The following SMAGP variants were observed in gnomAD, a reference collection of about 807,000 sequenced individuals.
SMAGP encodes small cell transmembrane and glycosylated protein.
In SMAGP, 7 loss-of-function variants were observed where a neutral mutation model predicts 10.1. That is an observed-to-expected ratio of 0.70 (90% CI 0.40 to 1.31). The LOEUF (loss-of-function observed/expected upper bound fraction) is 1.31. SMAGP is among the 50% of genes most tolerant of loss of function. The pLI is 0.01. For synonymous variants in SMAGP, 49 were observed against 47.2 expected, an observed-to-expected ratio of 1.04 and a Z score of -0.16; for missense variants, 113 against 116.5, an observed-to-expected ratio of 0.97 and a Z score of 0.14.
At chr12:51,265,705 G>C (rs1235419649) in intron 2 of SMAGP, among the ~76,000 whole-genome samples, 1 of 152,120 alleles carries the variant, frequency 6.6e-6, no homozygotes, top group African/African-American at 2.4e-5. Context: ...CAGGGAAATG[G>C]GGAATCAGTG....
At chr12:51,264,950 A>G (rs866257033) in intron 2 of SMAGP, among the ~76,000 whole-genome samples, 2,183 of 150,506 alleles carry the variant, frequency 0.015, 66 homozygotes, top group African/African-American at 0.05. Context: ...AAAAAAAAAA[A>G]AGAGAAAGAG....
chr12:51,264,670 G>T (rs1338298725), intron 2 of SMAGP, among the ~76,000 whole-genome samples: 3 of 148,584 alleles, frequency 2.0e-5, no homozygotes, highest in Non-Finnish European at 4.4e-5. Context: ...AGTGGCTCAT[G>T]CCTGTAATCC....
chr12:51,249,157 G>A (rs1944812745), intron 2 of SMAGP, among the ~76,000 whole-genome samples: 1 of 152,164 alleles, frequency 6.6e-6, no homozygotes, highest in African/African-American at 2.4e-5. Flanking sequence ...GCACCAGGGA[G>A]GGCGTGGAAG....
chr12:51,265,234 T>C (rs1023208143), intron 2 of SMAGP, among the ~76,000 whole-genome samples: 5 of 152,302 alleles, frequency 3.3e-5, no homozygotes, highest in African/African-American at 7.2e-5. Flanking sequence ...GGCAAGGTTG[T>C]AGAGAAACTG....
At chr12:51,247,433 G>C (rs1216928165) in intron 2 of SMAGP, among the ~76,000 whole-genome samples, 1 of 152,002 alleles carries the variant, frequency 6.6e-6, no homozygotes. Context: ...AATTTGAAAG[G>C]TTCTGAAACA....
chr12:51,258,606 A>G (rs4761938), intron 2 of SMAGP, among the ~76,000 whole-genome samples: 103,395 of 150,946 alleles, frequency 0.68, 38,889 homozygotes, highest in Non-Finnish European at 0.86. Context: ...AAAAAAAAAG[A>G]AAGAAAAGAA....
chr12:51,245,889 T>A lies in SMAGP; in HGVS notation c.*52A>T. ...GAGAAAACTTTCCCATAATAAGCAG[T>A]CAACGTGTTAGCGATGGAGCCAGGA... On this transcript the variant is annotated 3_prime_UTR_variant, in exon 4 of 4. Transcript: ENST00000603798. 1 of 1,570,416 alleles carries A rather than the reference T, an allele frequency of 6.4e-7. No individual in the cohort carries two copies. Among genetic ancestry groups the A allele is most frequent in the Admixed American group, 1.8e-5 (1 of 55,926 alleles).
intron 2 of SMAGP, among the ~76,000 whole-genome samples, chr12:51,248,426 ACACACACACT>A (rs1374604743): frequency 7.0e-4 from 79 of 112,306 alleles, no homozygotes; most frequent in African/African-American, 2.9e-3. Context: ...ACACACACAC[ACACACACACT>A]CTCTCTCTCT....
In SMAGP at chr12:51,250,138, G is replaced by A; in HGVS notation, c.35-3307C>T. On this transcript the variant is annotated intron_variant, in intron 2 of 3. Transcript: ENST00000603798. The stretch of plus-strand genomic sequence containing the variant: ...TAATCCCAGCACTTTGGGAGACCAA[G>A]GTGGGAAGATCGCTTGAGGCCAGGA... Among the ~76,000 whole-genome samples the A allele has an allele frequency of 1.3e-5, 2 of 149,870 alleles. 1 individual carries two copies. The highest frequency in any genetic ancestry group is 3.0e-5 in the Non-Finnish European group (2 of 67,718).
At chr12:51,256,589 G>A (rs1944886372) in intron 2 of SMAGP, among the ~76,000 whole-genome samples, 2 of 151,850 alleles carry the variant, frequency 1.3e-5, no homozygotes, top group South Asian at 2.1e-4. Context: ...GGGTGGTGGC[G>A]CATGCCTGTA....
chr12:51,253,783 G>A (rs1944862111), intron 2 of SMAGP, among the ~76,000 whole-genome samples: 1 of 152,190 alleles, frequency 6.6e-6, no homozygotes, highest in Admixed American at 6.5e-5. Flanking sequence ...GCAGGTGCCT[G>A]TAATCCCAGC....
chr12:51,246,643 A>G (rs1944776310), intron 3 of SMAGP, 108 bp downstream of exon 3: 1 of 483,490 alleles, frequency 2.1e-6, no homozygotes, highest in East Asian at 4.7e-5. Context: ...TGTGTGTAAT[A>G]TAACTTACAA....
intron 2 of SMAGP, among the ~76,000 whole-genome samples, chr12:51,251,973 G>A (rs1944843209): frequency 6.6e-6 from 1 of 152,206 alleles, no homozygotes; most frequent in Non-Finnish European, 1.5e-5. Flanking sequence ...CTGCGATGCA[G>A]CTATTGGTCA....
intron 2 of SMAGP, among the ~76,000 whole-genome samples, chr12:51,260,367 T>G (rs2359449): frequency 0.67 from 99,304 of 149,328 alleles, 36,967 homozygotes; most frequent in Non-Finnish European, 0.85. Flanking sequence ...GATTGTTTTT[T>G]TTGTTGTTGT....
chr12:51,248,759 A>G (rs7305016), intron 2 of SMAGP, among the ~76,000 whole-genome samples: 80,213 of 151,908 alleles, frequency 0.53, 22,421 homozygotes, highest in Middle Eastern at 0.64. Flanking sequence ...AAGCTTCCGC[A>G]TAGTTGAACA....
At chr12:51,246,639 T>TGTGTGTGTG in intron 3 of SMAGP, 112 bp downstream of exon 3, 2 of 626,222 alleles carry the variant, frequency 3.2e-6, no homozygotes, top group East Asian at 3.1e-5. Flanking sequence ...TGTGTGTGTG[T>TGTGTGTGTG]AATATAACTT....
At chr12:51,251,511 A>T (rs977845417) in intron 2 of SMAGP, 5 of 150,902 alleles carry the variant, frequency 3.3e-5, no homozygotes, top group African/African-American at 7.3e-5. Context: ...GGATCACTGG[A>T]GCCCAGGAGG....
intron 2 of SMAGP, among the ~76,000 whole-genome samples, chr12:51,264,649 A>AG (rs1592237571): frequency 6.7e-6 from 1 of 148,302 alleles, no homozygotes; most frequent in East Asian, 2.0e-4. Context: ...AAAAAAAAAA[A>AG]GGTCAGGCAC....
chr12:51,252,997 A>G (rs2137299903), intron 2 of SMAGP, among the ~76,000 whole-genome samples: 1 of 152,266 alleles, frequency 6.6e-6, no homozygotes, highest in African/African-American at 2.4e-5. Context: ...TTGGTGACAT[A>G]GGAGCTTCTG....
Sources: gnomAD v4.1 joint callset for allele counts (sites outside exome capture counted in the v4.1 genomes callset) on GRCh38, gnomAD v4.1.1 for gene constraint, MANE v1.5 for transcripts, NCBI Gene and HGNC (gene_info 2026-07-23, HGNC 2026-07-21) for gene names.